TGFB2: variants seen among roughly 807,000 people sequenced by gnomAD.
TGFB2 encodes the protein transforming growth factor beta-2 proprotein.
A neutral mutation model predicts 42.7 loss-of-function variants in TGFB2; 13 were observed. That is an observed-to-expected ratio of 0.30 (90% CI 0.20 to 0.48). The LOEUF (loss-of-function observed/expected upper bound fraction) is 0.48. Ranked by LOEUF, TGFB2 falls within the 20% of genes least tolerant of loss-of-function variation. The pLI is 0.99. For synonymous variants in TGFB2, 193 were observed against 193.6 expected, an observed-to-expected ratio of 1.00 and a Z score of 0.03; for missense variants, 390 against 517.5, an observed-to-expected ratio of 0.75 and a Z score of 2.39.
intron 2 of TGFB2, among the ~76,000 whole-genome samples, chr1:218,424,438 A>G (rs1659556022): frequency 6.6e-6 from 1 of 152,266 alleles, no homozygotes; most frequent in African/African-American, 2.4e-5. Context: ...AGGCTACAGC[A>G]GTGGTTCTCA....
At chr1:218,425,542 G>A (rs1354885471) in intron 2 of TGFB2, among the ~76,000 whole-genome samples, 1 of 152,024 alleles carries the variant, frequency 6.6e-6, no homozygotes, top group Non-Finnish European at 1.5e-5. Flanking sequence ...AGATAATAAG[G>A]GCCATGATGT....
intron 1 of TGFB2, among the ~76,000 whole-genome samples, chr1:218,379,774 A>G (rs1657897558): frequency 6.6e-6 from 1 of 152,078 alleles, no homozygotes; most frequent in African/African-American, 2.4e-5. Context: ...ATACAATCTT[A>G]TTTTACCATT....
rs1660136591 is a variant in TGFB2 at position 218,441,130 on chromosome 1, A to T, written c.1087-74A>T. 42 of 1,430,408 alleles carry T rather than the reference A, an allele frequency of 2.9e-5. 1 individual carries two copies. Among genetic ancestry groups the T allele is most frequent in the South Asian group, 2.8e-4 (22 of 77,524 alleles). 88.6% of individuals were successfully genotyped at this position (1,430,408 alleles called of 1,614,324 possible). On this transcript the variant is annotated intron_variant, in intron 6 of 6. Transcript: ENST00000366930. ...GTGCTGTGACTGCTAACAATGTGGA[A>T]TTCTTTTTAAAAACGAATTGCGTTC...
At chr1:218,407,980 C>A (rs1381117109) in intron 2 of TGFB2, among the ~76,000 whole-genome samples, 1 of 152,074 alleles carries the variant, frequency 6.6e-6, no homozygotes, top group Non-Finnish European at 1.5e-5. Context: ...AACAAACAAA[C>A]AAAAAACATG....
Position 218,442,539 on chromosome 1 carries a change from G to A in TGFB2, c.*1177G>A, listed in dbSNP as rs1660188104. The A allele has an allele frequency of 6.6e-6, 1 of 151,816 alleles. No individual in the cohort carries two copies. The highest frequency in any genetic ancestry group is 1.5e-5 in the Non-Finnish European group (1 of 67,944). 9.4% of individuals were successfully genotyped at this position (151,816 alleles called of 1,614,324 possible). The stretch of plus-strand genomic sequence containing the variant: ...AATGTATGTTTCTTTTAGCTGGCCA[G>A]TACTTTTGAGTAAAGCCCCTATAGT... On this transcript the variant is annotated 3_prime_UTR_variant, in exon 7 of 7. Transcript: ENST00000366930.
intron 6 of TGFB2, 64 bp from the exon 7 acceptor site, chr1:218,441,140 A>G: frequency 6.6e-7 from 1 of 1,507,768 alleles, no homozygotes; most frequent in Non-Finnish European, 8.9e-7. Context: ...ATTCTTTTTA[A>G]AAACGAATTG....
At chr1:218,369,733 G>A (rs1444710498) in intron 1 of TGFB2, among the ~76,000 whole-genome samples, 6 of 152,184 alleles carry the variant, frequency 3.9e-5, no homozygotes, top group African/African-American at 1.2e-4. Flanking sequence ...CTTTGGCCTA[G>A]GAGAATGTCA....
chr1:218,351,857 A>G (rs894855532), intron 1 of TGFB2, among the ~76,000 whole-genome samples: 2 of 152,230 alleles, frequency 1.3e-5, no homozygotes, highest in South Asian at 4.1e-4. Context: ...AGAATGACAG[A>G]TCGTTTTTCC....
In TGFB2 at chr1:218,407,118, G is replaced by A. The variant is rs540355748; in HGVS notation, c.510+1786G>A. 2.6e-5 allele frequency among the ~76,000 whole-genome samples: 4 copies of A among 151,888 alleles called. No individual in the cohort carries two copies. In the South Asian group the frequency reaches 8.3e-4, roughly 32 times the overall value. Reference sequence around the variant, plus strand: ...TTGTTTTCTTTTTCTGTTTTTTTGAGACAGCATCTTGCTCTGTCACCCAGG... The same window carrying A: ...TTGTTTTCTTTTTCTGTTTTTTTGAAACAGCATCTTGCTCTGTCACCCAGG... On this transcript the variant is annotated intron_variant, in intron 2 of 6. Transcript: ENST00000366930.
chr1:218,366,651 T>C (rs1457805969), intron 1 of TGFB2, among the ~76,000 whole-genome samples: 1 of 152,194 alleles, frequency 6.6e-6, no homozygotes, highest in Admixed American at 6.5e-5. Context: ...CATTTCTGTC[T>C]CCTGGGACAT....
chr1:218,435,959 A>AT lies in TGFB2; in HGVS notation c.755-5dup, dbSNP rs778455218. 5.2e-5 allele frequency: 83 copies of AT among 1,590,156 alleles called. No individual in the cohort carries two copies. The highest frequency in any genetic ancestry group is 6.9e-5 in the Non-Finnish European group (81 of 1,171,470). On this transcript the variant is annotated splice_polypyrimidine_tract_variant and intron_variant, in intron 4 of 6. Coordinates refer to ENST00000366930, the MANE Select transcript of TGFB2 (RefSeq NM_003238.6). ...AGCTAAATGTTTATTACCCAAATGCATTTTTTCAAGGTATTGATGGCACCT... is the reference window on the plus strand; with the variant it reads ...AGCTAAATGTTTATTACCCAAATGCATTTTTTTCAAGGTATTGATGGCACCT...
At chr1:218,438,128 C>G (rs143661059) in intron 6 of TGFB2, among the ~76,000 whole-genome samples, 72 of 152,242 alleles carry the variant, frequency 4.7e-4, no homozygotes, top group African/African-American at 1.7e-3. Flanking sequence ...TTCTCTTCAC[C>G]CTTACCCTGT....
intron 1 of TGFB2, among the ~76,000 whole-genome samples, chr1:218,381,484 G>C (rs1657959935): frequency 6.6e-6 from 1 of 152,036 alleles, no homozygotes; most frequent in Admixed American, 6.6e-5. Context: ...TGGATCTCCT[G>C]ACCTCGTGAT....
intron 1 of TGFB2, among the ~76,000 whole-genome samples, chr1:218,371,738 C>T (rs888491480): frequency 3.9e-5 from 6 of 152,184 alleles, no homozygotes; most frequent in South Asian, 2.1e-4. Flanking sequence ...AGAATTCAGG[C>T]GAGTTTCCAT....
intron 2 of TGFB2, among the ~76,000 whole-genome samples, chr1:218,428,738 G>T (rs1176697452): frequency 1.3e-5 from 2 of 152,116 alleles, no homozygotes; most frequent in Non-Finnish European, 2.9e-5. Flanking sequence ...GGTTACTGTA[G>T]CCTTGTAGTA....
At chr1:218,349,382 A>C (rs1453864091) in intron 1 of TGFB2, among the ~76,000 whole-genome samples, 5 of 152,246 alleles carry the variant, frequency 3.3e-5, no homozygotes, top group Non-Finnish European at 5.9e-5. Context: ...TTAAAAAGCA[A>C]ATTGAAAGTA....
chr1:218,425,734 G>A (rs1226862517), intron 2 of TGFB2, among the ~76,000 whole-genome samples: 2 of 152,200 alleles, frequency 1.3e-5, no homozygotes, highest in Non-Finnish European at 2.9e-5. Flanking sequence ...AAAGGGGGAC[G>A]ACCTTTCTCA....
chr1:218,396,963 CTGA>C (rs1318826157), intron 1 of TGFB2, among the ~76,000 whole-genome samples: 1 of 152,088 alleles, frequency 6.6e-6, no homozygotes, highest in Non-Finnish European at 1.5e-5. Flanking sequence ...GGTATAAAGC[CTGA>C]TCCAAAGTTT....
chr1:218,391,841 C>T (rs1658324446), intron 1 of TGFB2, among the ~76,000 whole-genome samples: 1 of 152,148 alleles, frequency 6.6e-6, no homozygotes, highest in African/African-American at 2.4e-5. Flanking sequence ...TTCATAAAAG[C>T]ATAAGTTCCA....
Sources: allele counts gnomAD v4.1 joint callset (sites outside exome capture counted in the v4.1 genomes callset), GRCh38; gene constraint gnomAD v4.1.1; transcripts MANE v1.5; gene names NCBI Gene and HGNC (gene_info 2026-07-23, HGNC 2026-07-21).